The following SPAG16 variants were observed in gnomAD, a reference collection of about 807,000 sequenced individuals.
SPAG16 encodes sperm associated antigen 16, also known as sperm-associated antigen 16 protein.
Under a neutral mutation model 80.4 loss-of-function variants are expected in SPAG16, and 86 were observed. The ratio of observed to expected loss-of-function variants is 1.07; its 90% CI spans 0.90 to 1.28. The LOEUF is 1.28. Ranked by LOEUF, SPAG16 falls within the 50% of genes most tolerant of loss-of-function variation. The pLI is 0.00. For missense variants in SPAG16, 870 were observed against 765.3 expected, an observed-to-expected ratio of 1.14 and a Z score of -1.61; for synonymous variants, 294 against 265.9, an observed-to-expected ratio of 1.11 and a Z score of -1.03.
chr2:214,280,648 G>T, intron 15 of SPAG16: 2 of 272,650 alleles, frequency 7.3e-6, no homozygotes, highest in Non-Finnish European at 1.5e-5. Context: ...GCTCTCAGTA[G>T]CCTGCCCCTG....
intron 1 of SPAG16, among the ~76,000 whole-genome samples, chr2:213,291,425 T>C (rs1395327938): frequency 2.0e-5 from 3 of 152,236 alleles, no homozygotes; most frequent in Non-Finnish European, 4.4e-5. Context: ...ATATAAATTA[T>C]ATTGTGGATA....
chr2:214,053,132 C>G (rs1203115716), intron 13 of SPAG16, among the ~76,000 whole-genome samples: 1 of 152,008 alleles, frequency 6.6e-6, no homozygotes, highest in Non-Finnish European at 1.5e-5. Context: ...AGGAGAAAGA[C>G]AAGGAAGGCA....
intron 15 of SPAG16, among the ~76,000 whole-genome samples, chr2:214,282,203 T>G (rs1261438848): frequency 6.6e-6 from 1 of 152,158 alleles, no homozygotes; most frequent in African/African-American, 2.4e-5. Flanking sequence ...ATAAAGCACG[T>G]TTTAAAACAT....
intron 15 of SPAG16, among the ~76,000 whole-genome samples, chr2:214,258,913 T>A (rs1690917473): frequency 6.6e-6 from 1 of 152,008 alleles, no homozygotes; most frequent in South Asian, 2.1e-4. Context: ...ATTTCCCTAC[T>A]GAGTATTTTT....
Position 213,833,454 on chromosome 2 carries a change from TTATATATA to T in SPAG16, c.1071-29027_1071-29020del, listed in dbSNP as rs377317045. 3.7e-4 allele frequency among the ~76,000 whole-genome samples: 2 copies of T among 5,440 alleles called. 1 individual carries two copies. Among genetic ancestry groups the T allele is most frequent in the African/African-American group, 1.4e-3 (2 of 1,460 alleles). 3.6% of individuals were successfully genotyped at this position (5,440 alleles called of 152,430 possible). On this transcript the variant is annotated intron_variant, in intron 10 of 15. Transcript: ENST00000331683. ...GTATGTGTGTGTGTATATATATATATTATATATATATTATATATAATAATATATATATT... is the reference window on the plus strand; with the variant it reads ...GTATGTGTGTGTGTATATATATATATTATTATATATAATAATATATATATT...
intron 10 of SPAG16, among the ~76,000 whole-genome samples, chr2:213,634,769 C>T (rs1047972861): frequency 1.2e-4 from 19 of 152,006 alleles, no homozygotes; most frequent in African/African-American, 3.4e-4. Flanking sequence ...ACCTTCCTCC[C>T]GAACCCTCAA....
chr2:213,412,292 A>G (rs992268683), intron 9 of SPAG16, among the ~76,000 whole-genome samples: 1 of 152,206 alleles, frequency 6.6e-6, no homozygotes, highest in Non-Finnish European at 1.5e-5. Flanking sequence ...ACCCTAGCCA[A>G]TAGGGGAACA....
intron 15 of SPAG16, chr2:214,240,909 C>T (rs954188438): frequency 6.6e-6 from 1 of 151,978 alleles, no homozygotes; most frequent in Admixed American, 6.6e-5. Context: ...ATTTGGCAAC[C>T]TTTACCTTCC....
At chr2:213,874,013 A>G (rs563800027) in intron 11 of SPAG16, among the ~76,000 whole-genome samples, 24 of 152,318 alleles carry the variant, frequency 1.6e-4, no homozygotes, top group African/African-American at 5.8e-4. Flanking sequence ...CAATTGTAAT[A>G]TAACAATATT....
At chr2:214,385,372 A>C (rs1230687783) in intron 15 of SPAG16, among the ~76,000 whole-genome samples, 1 of 152,212 alleles carries the variant, frequency 6.6e-6, no homozygotes, top group Non-Finnish European at 1.5e-5. Context: ...AATCTTATAT[A>C]TCAGTATCTC....
intron 14 of SPAG16, among the ~76,000 whole-genome samples, chr2:214,118,714 A>G (rs73076866): frequency 1.6e-3 from 238 of 152,216 alleles, no homozygotes; most frequent in African/African-American, 5.6e-3. Context: ...TATGGCGATT[A>G]TGGGAACTAC....
intron 11 of SPAG16, among the ~76,000 whole-genome samples, chr2:213,927,211 A>G (rs1415079046): frequency 6.6e-6 from 1 of 152,228 alleles, no homozygotes; most frequent in African/African-American, 2.4e-5. Context: ...TATTTCTCAG[A>G]GGCCCTACCT....
intron 9 of SPAG16, among the ~76,000 whole-genome samples, chr2:213,376,577 AC>A (rs1486953308): frequency 2.6e-5 from 4 of 152,024 alleles, no homozygotes; most frequent in African/African-American, 9.7e-5. Flanking sequence ...TATTATTATA[AC>A]AAATGACTGA....
In SPAG16 at chr2:214,366,259, A is replaced by G. The variant is rs1699473384; in HGVS notation, c.1721-43881A>G. Among the ~76,000 whole-genome samples, 3 of 152,262 alleles carry G rather than the reference A, an allele frequency of 2.0e-5. No homozygotes were observed. The South Asian group carries it at 6.2e-4, about 32-fold the overall frequency. ...CCAAAGTGCTGAGATTGCAGGTGTG[A>G]GCCACTGCGTCTGGCCTTGCCAGGT... On this transcript the variant is annotated intron_variant, in intron 15 of 15. Transcript: ENST00000331683.
intron 3 of SPAG16, among the ~76,000 whole-genome samples, chr2:213,307,209 T>TTTA (rs1259698942): frequency 1.3e-5 from 2 of 151,790 alleles, no homozygotes; most frequent in Non-Finnish European, 2.9e-5. Context: ...TTTTTTTTAC[T>TTTA]TTATTATTAT....
At chr2:214,246,920 G>A (rs931883693) in intron 15 of SPAG16, among the ~76,000 whole-genome samples, 1 of 152,012 alleles carries the variant, frequency 6.6e-6, no homozygotes, top group Admixed American at 6.6e-5. Flanking sequence ...TTTTGTCAGA[G>A]ATATGTTAGT....
chr2:213,819,852 G>A (rs1259834115), intron 10 of SPAG16, among the ~76,000 whole-genome samples: 1 of 151,848 alleles, frequency 6.6e-6, no homozygotes, highest in East Asian at 1.9e-4. Flanking sequence ...TGCCTCCCGG[G>A]TTCAAACAAT....
intron 14 of SPAG16, among the ~76,000 whole-genome samples, chr2:214,109,217 G>A (rs867461852): frequency 2.0e-5 from 3 of 152,104 alleles, no homozygotes; most frequent in Non-Finnish European, 4.4e-5. Context: ...TCCAGTTTGT[G>A]GTTTTCTGTA....
Position 214,037,049 on chromosome 2 carries a change from G to A in SPAG16, c.1527+22972G>A, listed in dbSNP as rs574892253. 9.2e-5 allele frequency among the ~76,000 whole-genome samples: 14 copies of A among 151,662 alleles called. No homozygotes were observed. The East Asian group carries it at 1.2e-3, about 13-fold the overall frequency. ...AAATTATTTCCTTTCTTGTGTTGTC[G>A]TTTAGTTGATTTCTTTATATATTCA... On this transcript the variant is annotated intron_variant, in intron 13 of 15. Transcript: ENST00000331683.
Sources: gnomAD v4.1 joint callset for allele counts (sites outside exome capture counted in the v4.1 genomes callset) on GRCh38, gnomAD v4.1.1 for gene constraint, MANE v1.5 for transcripts, NCBI Gene and HGNC (gene_info 2026-07-23, HGNC 2026-07-21) for gene names.